ANP32A: variants seen among roughly 807,000 people sequenced by gnomAD.
The protein encoded by ANP32A is acidic leucine-rich nuclear phosphoprotein 32 family member A.
A neutral mutation model predicts 33.9 loss-of-function variants in ANP32A; 1 was observed. That is an observed-to-expected ratio of 0.03 (90% CI 0.01 to 0.14). The LOEUF is 0.14. ANP32A is among the 10% of genes least tolerant of loss of function. The pLI is 1.00. For missense variants in ANP32A, 155 were observed against 306.0 expected (o/e 0.51, Z 3.68); for synonymous variants, 115 against 120.5 (o/e 0.95, Z 0.30).
intron 1 of ANP32A, chr15:68,818,264 G>C (rs1429523504): frequency 3.6e-6 from 1 of 274,594 alleles, no homozygotes; most frequent in Non-Finnish European, 7.7e-6. Context: ...GTCCTATTTC[G>C]GCGTCGCGGC....
chr15:68,786,950 G>A (rs934771740), intron 3 of ANP32A, among the ~76,000 whole-genome samples: 1 of 152,306 alleles, frequency 6.6e-6, no homozygotes, highest in African/African-American at 2.4e-5. Flanking sequence ...TCATTCCAGG[G>A]TTCTATGTCA....
chr15:68,797,937 G>A (rs1894084551), intron 1 of ANP32A, among the ~76,000 whole-genome samples: 1 of 152,204 alleles, frequency 6.6e-6, no homozygotes, highest in South Asian at 2.1e-4. Flanking sequence ...GGGGAGGGGT[G>A]GGGTGTGGGT....
chr15:68,801,111 A>G (rs1395115838), intron 1 of ANP32A, among the ~76,000 whole-genome samples: 5 of 152,012 alleles, frequency 3.3e-5, no homozygotes, highest in African/African-American at 7.2e-5. Flanking sequence ...AGTGGGTTTC[A>G]CAGGCAATGC....
intron 1 of ANP32A, among the ~76,000 whole-genome samples, chr15:68,814,055 G>C (rs1025937774): frequency 2.0e-5 from 3 of 152,046 alleles, no homozygotes; most frequent in African/African-American, 7.2e-5. Context: ...ATTTTTACTA[G>C]AGACGGGGTT....
At chr15:68,811,063 G>GAA (rs34026847) in intron 1 of ANP32A, among the ~76,000 whole-genome samples, 7,814 of 117,828 alleles carry the variant, frequency 0.066, 412 homozygotes, top group East Asian at 0.13. Context: ...CTCTGTCTGG[G>GAA]AAAAAAAAAA....
rs1894465466 is a variant in ANP32A at position 68,820,826 on chromosome 15, C to G, written c.-75G>C. ...AATAAACCCCGAACCCACGGCCGCG[C>G]GTTTTAGGACTTTGAAGGCTCAACC... is the stretch of plus-strand genomic sequence containing the variant. On this transcript the variant is annotated 5_prime_UTR_variant, in exon 1 of 7. Transcript: ENST00000465139. The G allele has an allele frequency of 6.3e-7, 1 of 1,580,520 alleles. No homozygotes were observed. The highest frequency in any genetic ancestry group is 8.7e-7 in the Non-Finnish European group (1 of 1,152,184).
chr15:68,782,445 A>G (rs1394283800), intron 5 of ANP32A, among the ~76,000 whole-genome samples: 1 of 152,176 alleles, frequency 6.6e-6, no homozygotes, highest in Non-Finnish European at 1.5e-5. Context: ...ACCCCCTCAC[A>G]GATCTTGTTA....
At chr15:68,804,202 G>T (rs1894180904) in intron 1 of ANP32A, among the ~76,000 whole-genome samples, 1 of 152,226 alleles carries the variant, frequency 6.6e-6, no homozygotes, top group African/African-American at 2.4e-5. Flanking sequence ...AGAAAGTAAA[G>T]TCAAGTCAAG....
intron 1 of ANP32A, among the ~76,000 whole-genome samples, chr15:68,818,002 C>T (rs1216821397): frequency 6.6e-6 from 1 of 152,184 alleles, no homozygotes; most frequent in Non-Finnish European, 1.5e-5. Flanking sequence ...CCTCGGCGCC[C>T]TTCGGGCTCA....
At chr15:68,819,168 C>G (rs1231288920) in intron 1 of ANP32A, among the ~76,000 whole-genome samples, 4 of 152,198 alleles carry the variant, frequency 2.6e-5, no homozygotes, top group Non-Finnish European at 4.4e-5. Flanking sequence ...GGGCGACAGG[C>G]CAGCGCACGG....
chr15:68,814,463 A>G (rs1265183535), intron 1 of ANP32A, among the ~76,000 whole-genome samples: 2 of 152,100 alleles, frequency 1.3e-5, no homozygotes, highest in Non-Finnish European at 2.9e-5. Flanking sequence ...AAGAAAAAAA[A>G]AAAGAAAGAT....
chr15:68,799,837 G>C (rs1259516549), intron 1 of ANP32A, among the ~76,000 whole-genome samples: 4 of 152,226 alleles, frequency 2.6e-5, no homozygotes, highest in Non-Finnish European at 5.9e-5. Flanking sequence ...GTTTAGGCTT[G>C]AGGGTAGGGG....
chr15:68,796,226 C>T (rs1009772072), intron 1 of ANP32A, among the ~76,000 whole-genome samples: 1 of 152,186 alleles, frequency 6.6e-6, no homozygotes, highest in Admixed American at 6.5e-5. Context: ...GAATTACAGG[C>T]GCCCACCACC....
chr15:68,794,552 G>T (rs150118774), intron 1 of ANP32A, among the ~76,000 whole-genome samples: 331 of 152,288 alleles, frequency 2.2e-3, no homozygotes, highest in African/African-American at 7.6e-3. Flanking sequence ...TGGTGCTCGT[G>T]GGTTTTAAAT....
intron 1 of ANP32A, among the ~76,000 whole-genome samples, chr15:68,805,032 G>A (rs1420581726): frequency 6.6e-6 from 1 of 152,158 alleles, no homozygotes; most frequent in African/African-American, 2.4e-5. Flanking sequence ...TGCTGTATTT[G>A]TGACCTCTGA....
Position 68,811,072 on chromosome 15 carries a change from A to AG in ANP32A, c.54+9625_54+9626insC, listed in dbSNP as rs201606103. ...GTGAGACTCTGTCTGGGAAAAAAAA[A>AG]AAAAAAAAAGAATGCTGAATCCCGC... is the stretch of plus-strand genomic sequence containing the variant. On this transcript the variant is annotated intron_variant, in intron 1 of 6. Coordinates refer to ENST00000465139, the MANE Select transcript of ANP32A (RefSeq NM_006305.4). 7.2e-3 allele frequency among the ~76,000 whole-genome samples: 1,089 copies of AG among 151,024 alleles called. 8 individuals are homozygous for AG. Among genetic ancestry groups the AG allele is most frequent in the Non-Finnish European group, 0.012 (833 of 67,590 alleles).
At position 68,813,933 on chromosome 15, in the gene ANP32A, G is replaced by C. The variant is rs1436940074; in HGVS notation, c.54+6765C>G. On this transcript the variant is annotated intron_variant, in intron 1 of 6. Transcript: ENST00000465139. ...CCCCCAGGCCGGAGTGCAGTGGCAC[G>C]ATCTCTGCTCACTGCAAGTTCTGCC... 3.6e-5 allele frequency among the ~76,000 whole-genome samples: 5 copies of C among 140,546 alleles called. No individual in the cohort carries two copies. In the South Asian group the frequency reaches 1.2e-3, roughly 34 times the overall value. The allele number at this position is 140,546 out of a possible 152,430, so 92.2% of individuals were successfully genotyped here. A position where few individuals can be genotyped will look rare whatever the true frequency, so the allele number is the denominator to read the frequency against.
At chr15:68,816,312 T>C (rs1475340563) in intron 1 of ANP32A, among the ~76,000 whole-genome samples, 2 of 152,184 alleles carry the variant, frequency 1.3e-5, no homozygotes, top group African/African-American at 4.8e-5. Flanking sequence ...GTATGCAGAC[T>C]GGCTGAGTTT....
intron 1 of ANP32A, among the ~76,000 whole-genome samples, chr15:68,820,250 T>C (rs1368185636): frequency 2.0e-5 from 3 of 152,094 alleles, no homozygotes; most frequent in Non-Finnish European, 4.4e-5. Context: ...GGGATACATT[T>C]ATAAAATGTA....
Sources: allele counts gnomAD v4.1 joint callset (sites outside exome capture counted in the v4.1 genomes callset), GRCh38; gene constraint gnomAD v4.1.1; transcripts MANE v1.5; gene names NCBI Gene and HGNC (gene_info 2026-07-23, HGNC 2026-07-21).